DMXL2: variants seen among roughly 807,000 people sequenced by gnomAD.
DMXL2 encodes the protein dmX-like protein 2.
A neutral mutation model predicts 331.1 loss-of-function variants in DMXL2; 103 were observed. The ratio of observed to expected loss-of-function variants is 0.31; its 90% CI spans 0.27 to 0.37. DMXL2 has a LOEUF of 0.37. Among genes scored for constraint, DMXL2 ranks in the 10% least tolerant of loss-of-function variants. The pLI is 1.00. For synonymous variants in DMXL2, 1,281 were observed against 1,252.1 expected (o/e 1.02, Z -0.49); for missense variants, 3,171 against 3,642.9 (o/e 0.87, Z 3.33).
chr15:51,622,265 T>C (rs1467672367), intron 1 of DMXL2, among the ~76,000 whole-genome samples, 194 bp downstream of exon 1: 2 of 152,120 alleles, frequency 1.3e-5, no homozygotes, highest in African/African-American at 2.4e-5. Context: ...AACGGGTGAT[T>C]TCCTACACCA....
chr15:51,586,228 T>G (rs1369872819), intron 1 of DMXL2, among the ~76,000 whole-genome samples: 1 of 152,218 alleles, frequency 6.6e-6, no homozygotes. Flanking sequence ...AACGACTGCT[T>G]GTGTGGTAAT....
intron 15 of DMXL2, among the ~76,000 whole-genome samples, 183 bp downstream of exon 15, chr15:51,514,259 T>G (rs1305817369): frequency 2.0e-5 from 3 of 152,146 alleles, no homozygotes; most frequent in Admixed American, 6.6e-5. Context: ...TGAATTGTCT[T>G]GCAAAAAGTA....
intron 1 of DMXL2, among the ~76,000 whole-genome samples, chr15:51,598,421 T>C (rs118145271): frequency 0.018 from 2,720 of 152,298 alleles, 42 homozygotes; most frequent in Non-Finnish European, 0.031. Flanking sequence ...AGTACAATTA[T>C]CAAGATCGGG....
chr15:51,568,434 G>T (rs1269620809), intron 3 of DMXL2, 53 bp downstream of exon 3: 12 of 1,208,134 alleles, frequency 9.9e-6, no homozygotes, highest in Middle Eastern at 4.9e-4. Context: ...ACATCAATTG[G>T]ATTCTAAAGT....
intron 13 of DMXL2, among the ~76,000 whole-genome samples, chr15:51,524,754 A>G (rs2047574220): frequency 6.6e-6 from 1 of 152,100 alleles, no homozygotes; most frequent in African/African-American, 2.4e-5. Flanking sequence ...TGATTCCCCA[A>G]AAGCCTTGCC....
intron 29 of DMXL2, among the ~76,000 whole-genome samples, chr15:51,467,382 T>G (rs2040681470): frequency 6.6e-6 from 1 of 152,086 alleles, no homozygotes; most frequent in African/African-American, 2.4e-5. Flanking sequence ...TAGAAAAAGC[T>G]TAACAAGATA....
rs2054734715 is a variant in DMXL2, at chr15:51,622,648, A to C, written c.-103T>G. 6.9e-7 allele frequency: 1 copy of C among 1,448,168 alleles called. No homozygotes were observed. The allele number at this position is 1,448,168 out of a possible 1,614,324, so 89.7% of individuals were successfully genotyped here. ...CGTTTCCCTCTGTGCCTCCCTCGGA[A>C]ACCCGCCCCGCGGAGGCTCTGGCTT... On this transcript the variant is annotated 5_prime_UTR_variant, in exon 1 of 44. Coordinates refer to ENST00000560891, the MANE Select transcript of DMXL2 (RefSeq NM_001378457.1).
At chr15:51,609,581 A>C (rs527299499) in intron 1 of DMXL2, among the ~76,000 whole-genome samples, 1 of 152,342 alleles carries the variant, frequency 6.6e-6, no homozygotes, top group East Asian at 1.9e-4. Flanking sequence ...ATAGCTTTGT[A>C]GCCTGGGAGC....
chr15:51,589,390 A>G (rs1224526621), intron 1 of DMXL2, among the ~76,000 whole-genome samples: 1 of 152,214 alleles, frequency 6.6e-6, no homozygotes, highest in Non-Finnish European at 1.5e-5. Context: ...CTGAAGTCCA[A>G]TTGCTCTTCC....
rs373674890 is a variant in DMXL2 at position 51,518,599 on chromosome 15, C to T, written c.2437-1432G>A. On this transcript the variant is annotated intron_variant, in intron 13 of 43. Coordinates refer to ENST00000560891, the MANE Select transcript of DMXL2 (RefSeq NM_001378457.1). ...GTATATTAAAGTTTAAGAAGGACTG[C>T]TGTAGATCACTGGTTCTCAATCTTG... 2.6e-5 allele frequency among the ~76,000 whole-genome samples: 4 copies of T among 152,296 alleles called. No homozygotes were observed. The East Asian group carries it at 5.8e-4, about 22-fold the overall frequency.
chr15:51,611,642 A>G (rs1419490523), intron 1 of DMXL2, among the ~76,000 whole-genome samples: 2 of 152,214 alleles, frequency 1.3e-5, no homozygotes. Flanking sequence ...ATTCTATCAC[A>G]GTACTAACTA....
intron 27 of DMXL2, among the ~76,000 whole-genome samples, chr15:51,475,041 TGG>T (rs1276934704): frequency 1.3e-5 from 2 of 152,156 alleles, no homozygotes; most frequent in African/African-American, 2.4e-5. Context: ...AACTTTACAA[TGG>T]AGAAACTTGG....
chr15:51,622,503 C>T lies in DMXL2; in HGVS notation c.43G>A (p.Asp15Asn), dbSNP rs1346371858. 1.3e-6 allele frequency: 2 copies of T among 1,570,026 alleles called. No homozygotes were observed. Among genetic ancestry groups the T allele is most frequent in the African/African-American group, 2.7e-5 (2 of 73,702 alleles). ...ACGCTGCCCACGGAGTAGCAGTTGT[C>T]TCCAGGGTTGACAGCTCCGGTGAGG... is the stretch of plus-strand genomic sequence containing the variant. ...QVLTGAVNPGDNCYSVGSVGD... is the reference protein window; with the variant it reads ...QVLTGAVNPGNNCYSVGSVGD... Residue 15 changes from aspartate to asparagine, a missense_variant, in exon 1 of 44, where the codon GAC becomes AAC. Asp to Asn is a conservative substitution (Grantham distance 23, BLOSUM62 1). Around this residue, in one of 7 missense-constraint regions of DMXL2, gnomAD observed 1,674 missense variants for 1,780.2 expected, o/e 0.94. Transcript: ENST00000560891.
Position 51,499,518 on chromosome 15 carries a change from T to A in DMXL2, c.3706A>T (p.Ile1236Leu), listed in dbSNP as rs1193446493. 6.2e-7 allele frequency: 1 copy of A among 1,614,156 alleles called. No homozygotes were observed. The highest frequency in any genetic ancestry group is 1.1e-5 in the South Asian group (1 of 91,078). ...VKSRWVLLRS[I>L]DLVSSVDGTP... ...CCATCAACAGAAGATACCAAGTCTA[T>A]AGATCTAAGAAGAACCCATCTTGAC... The change falls in exon 18 of 44, where the codon ATA becomes TTA. Residue 1236 changes from isoleucine (I) to leucine (L), a missense_variant. By Grantham distance (5) the Ile-to-Leu change is conservative (BLOSUM62 2). Transcript: ENST00000560891.
At chr15:51,574,285 A>C (rs962176473) in intron 2 of DMXL2, among the ~76,000 whole-genome samples, 13 of 152,188 alleles carry the variant, frequency 8.5e-5, no homozygotes, top group Admixed American at 4.6e-4. Flanking sequence ...CCTGTTTTCC[A>C]ATAATTTCTT....
rs1435173770 is a variant in DMXL2 at position 51,605,196 on chromosome 15, CATATAA to C, written c.87+17257_87+17262del. 4.6e-5 allele frequency among the ~76,000 whole-genome samples: 7 copies of C among 152,042 alleles called. 1 individual carries two copies. In the East Asian group the frequency reaches 1.2e-3, roughly 25 times the overall value. On this transcript the variant is annotated intron_variant, in intron 1 of 43. Coordinates refer to ENST00000560891, the MANE Select transcript of DMXL2 (RefSeq NM_001378457.1). The stretch of plus-strand genomic sequence containing the variant: ...AAAACAGTACAACGGGGGAAAAAAA[CATATAA>C]ATATATGTATTTTTTTTAAACAGCG...
At chr15:51,519,416 C>T (rs2047215683) in intron 13 of DMXL2, among the ~76,000 whole-genome samples, 1 of 152,082 alleles carries the variant, frequency 6.6e-6, no homozygotes, top group Non-Finnish European at 1.5e-5. Context: ...CCACACCTGG[C>T]TGTAGTTAAC....
At chr15:51,539,380 T>C (rs1320601024) in intron 9 of DMXL2, among the ~76,000 whole-genome samples, 2 of 152,186 alleles carry the variant, frequency 1.3e-5, no homozygotes, top group Non-Finnish European at 2.9e-5. Context: ...TTTCTCAGTG[T>C]TTGAAACTTT....
chr15:51,490,981 G>A (rs2140433301), intron 20 of DMXL2, among the ~76,000 whole-genome samples: 1 of 152,224 alleles, frequency 6.6e-6, no homozygotes, highest in African/African-American at 2.4e-5. Flanking sequence ...ACTTTCTAAA[G>A]TTAGATTTTT....
Sources: allele counts gnomAD v4.1 joint callset (sites outside exome capture counted in the v4.1 genomes callset), GRCh38; gene constraint gnomAD v4.1.1; regional missense constraint gnomAD v4.1.1; transcripts MANE v1.5; gene names NCBI Gene and HGNC (gene_info 2026-07-23, HGNC 2026-07-21).